The following FMN2 variants were observed in gnomAD, a reference collection of about 807,000 sequenced individuals.
The protein encoded by FMN2 is formin-2.
FMN2 carries 51 observed loss-of-function variants against 142.3 expected under a neutral mutation model. That is an observed-to-expected ratio of 0.36 (90% CI 0.29 to 0.45). The LOEUF (loss-of-function observed/expected upper bound fraction) is 0.45, where lower values mean the gene tolerates loss of function less well. FMN2 is among the 20% of genes least tolerant of loss of function. The pLI, the probability that FMN2 is intolerant of heterozygous loss-of-function variation, is 1.00. For synonymous variants in FMN2, 882 were observed against 869.8 expected (o/e 1.01, Z -0.25); for missense variants, 1,936 against 2,122.8 (o/e 0.91, Z 1.73).
chr1:240,424,862 C>A (rs1023268602), intron 15 of FMN2, among the ~76,000 whole-genome samples: 1 of 152,162 alleles, frequency 6.6e-6, no homozygotes, highest in Non-Finnish European at 1.5e-5. Context: ...AATACGTAGT[C>A]AAAAAATTTG....
At position 240,292,094 on chromosome 1, in the gene FMN2, C is replaced by T. The variant is rs935133326; in HGVS notation, c.4154-2728C>T. On this transcript the variant is annotated intron_variant, in intron 7 of 17. Transcript: ENST00000319653. ...ATTTAAACTTAGTTTAGTTCGATTC[C>T]ATGTTCTATGTTTGTTCCACATCAG... Among the ~76,000 whole-genome samples, 10 of 152,156 alleles carry T rather than the reference C, an allele frequency of 6.6e-5. No individual in the cohort carries two copies. The East Asian group carries it at 1.9e-3, about 29-fold the overall frequency.
rs1265247700 is a variant in FMN2 at position 240,092,870 on chromosome 1, T to G, written c.761T>G (p.Leu254Arg). 4.6e-6 allele frequency: 7 copies of G among 1,534,106 alleles called. No individual in the cohort carries two copies. The highest frequency in any genetic ancestry group is 5.2e-6 in the Non-Finnish European group (6 of 1,144,828). ...GAFLGLDRFL[L>R]GPSGGAGEAP... The stretch of plus-strand genomic sequence containing the variant: ...TTCCTGGGCCTGGACCGGTTCCTGC[T>G]GGGGCCGAGCGGCGGGGCTGGGGAG... Residue 254 changes from leucine (L) to arginine (R), a missense_variant, in exon 1 of 18, where the codon CTG becomes CGG. Leu to Arg is a moderately radical substitution (Grantham distance 102, BLOSUM62 -2). This residue lies in a region of FMN2 where 751 missense variants were observed against 791.8 expected (regional missense o/e 0.95). Transcript: ENST00000319653.
At chr1:240,123,611 AT>A (rs1662382552) in intron 2 of FMN2, among the ~76,000 whole-genome samples, 1 of 152,098 alleles carries the variant, frequency 6.6e-6, no homozygotes, top group Admixed American at 6.6e-5. Context: ...GCCTGCTTTA[AT>A]CAACGATGAT....
At chr1:240,119,233 G>T (rs1436429242) in intron 1 of FMN2, among the ~76,000 whole-genome samples, 1 of 151,830 alleles carries the variant, frequency 6.6e-6, no homozygotes, top group African/African-American at 2.4e-5. Flanking sequence ...GGAGGCTGAG[G>T]CAGGAGAATT....
chr1:240,340,565 A>G (rs1671712532), intron 13 of FMN2, among the ~76,000 whole-genome samples: 1 of 152,156 alleles, frequency 6.6e-6, no homozygotes, highest in African/African-American at 2.4e-5. Context: ...TGGATGACAG[A>G]GCGAGACTCC....
At chr1:240,195,015 G>A (rs1275304359) in intron 4 of FMN2, among the ~76,000 whole-genome samples, 1 of 152,076 alleles carries the variant, frequency 6.6e-6, no homozygotes, top group Non-Finnish European at 1.5e-5. Context: ...CACTCAAAAT[G>A]TTAGCTCTTT....
At chr1:240,442,645 C>T (rs376374562) in intron 16 of FMN2, among the ~76,000 whole-genome samples, 8 of 152,248 alleles carry the variant, frequency 5.3e-5, no homozygotes, top group African/African-American at 7.2e-5. Context: ...TGAAAAATAT[C>T]GTTAAGGTTT....
At chr1:240,449,619 G>A (rs750284672) in intron 16 of FMN2, among the ~76,000 whole-genome samples, 15 of 152,126 alleles carry the variant, frequency 9.9e-5, no homozygotes, top group South Asian at 2.1e-4. Flanking sequence ...AGTTTCCATC[G>A]ATTAAACCAC....
chr1:240,220,319 T>G (rs1357799303), intron 6 of FMN2, among the ~76,000 whole-genome samples: 1 of 152,092 alleles, frequency 6.6e-6, no homozygotes, highest in East Asian at 1.9e-4. Context: ...ACTCTAGACA[T>G]GTGTGGCCAA....
At chr1:240,134,502 G>T (rs1226033878) in intron 2 of FMN2, among the ~76,000 whole-genome samples, 1 of 152,102 alleles carries the variant, frequency 6.6e-6, no homozygotes, top group African/African-American at 2.4e-5. Context: ...GTGCACACCT[G>T]TAGTCCCAGC....
At chr1:240,329,529 C>G in intron 10 of FMN2, 61 bp downstream of exon 10, 3 of 1,565,684 alleles carry the variant, frequency 1.9e-6, no homozygotes, top group Non-Finnish European at 1.7e-6. Context: ...CAGCCATGTT[C>G]TTATTTCAGA....
intron 15 of FMN2, among the ~76,000 whole-genome samples, chr1:240,394,779 C>A (rs757531454): frequency 5.3e-5 from 8 of 152,018 alleles, no homozygotes; most frequent in Non-Finnish European, 8.8e-5. Context: ...CCCAGCCTGG[C>A]CAACACGGTG....
chr1:240,360,409 T>G (rs1052777242), intron 14 of FMN2, among the ~76,000 whole-genome samples: 1 of 152,242 alleles, frequency 6.6e-6, no homozygotes, highest in African/African-American at 2.4e-5. Flanking sequence ...TAAAGGCAGA[T>G]CTTTACCCAC....
intron 2 of FMN2, among the ~76,000 whole-genome samples, chr1:240,151,909 G>C (rs1663792742): frequency 6.6e-6 from 1 of 152,090 alleles, no homozygotes; most frequent in Admixed American, 6.6e-5. Flanking sequence ...TGGGACTGCA[G>C]ATGTGCACCA....
At chr1:240,305,684 G>A (rs10926210) in intron 8 of FMN2, among the ~76,000 whole-genome samples, 55,280 of 151,974 alleles carry the variant, frequency 0.36, 10,442 homozygotes, top group African/African-American at 0.45. Context: ...TTGCAGAAAC[G>A]TAGCTATTGT....
At chr1:240,294,744 G>T (rs951272831) in intron 7 of FMN2, 78 bp from the exon 8 acceptor site, 176 of 1,337,658 alleles carry the variant, frequency 1.3e-4, no homozygotes, top group Non-Finnish European at 1.7e-4. Flanking sequence ...GCTGAGCCGT[G>T]AGCCTGCTGC....
chr1:240,151,895 T>C (rs1663792437), intron 2 of FMN2, among the ~76,000 whole-genome samples: 1 of 152,112 alleles, frequency 6.6e-6, no homozygotes, highest in South Asian at 2.1e-4. Context: ...ACCTCCCTAG[T>C]AGCTGGGACT....
At chr1:240,255,611 G>A (rs1668429068) in intron 6 of FMN2, among the ~76,000 whole-genome samples, 1 of 152,162 alleles carries the variant, frequency 6.6e-6, no homozygotes, top group Non-Finnish European at 1.5e-5. Context: ...GTGAAGGGGA[G>A]GTAGGAGTCT....
At chr1:240,142,848 G>A (rs1663248711) in intron 2 of FMN2, 1 of 1,588,860 alleles carries the variant, frequency 6.3e-7, no homozygotes, top group Non-Finnish European at 8.6e-7. Context: ...CACATCCACT[G>A]CCTGGCCTAC....
Sources: gnomAD v4.1 joint callset for allele counts (sites outside exome capture counted in the v4.1 genomes callset) on GRCh38, gnomAD v4.1.1 for gene constraint, gnomAD v4.1.1 regional missense constraint, MANE v1.5 for transcripts, NCBI Gene and HGNC (gene_info 2026-07-23, HGNC 2026-07-21) for gene names.